Variants in ERCC6 observed in about 807,000 individuals in gnomAD.
ERCC6 encodes DNA excision repair protein ERCC-6.
Under a neutral mutation model 158.7 loss-of-function variants are expected in ERCC6, and 116 were observed. The ratio of observed to expected loss-of-function variants is 0.73; its 90% CI spans 0.63 to 0.85. The LOEUF is 0.85. Ranked by LOEUF, ERCC6 falls within the 40% of genes least tolerant of loss-of-function variation. ERCC6 has a pLI of 0.00. For missense variants in ERCC6, 1,698 were observed against 1,799.4 expected, an observed-to-expected ratio of 0.94 and a Z score of 1.02; for synonymous variants, 678 against 659.3, an observed-to-expected ratio of 1.03 and a Z score of -0.43.
chr10:49,447,311 ATTC>A, the ERCC6 span, among the ~76,000 whole-genome samples: 1 of 152,242 alleles, frequency 6.6e-6, no homozygotes, highest in African/African-American at 2.4e-5. Context: ...CCTTTAGTAC[ATTC>A]ACAATGTTGT....
rs373277796 is a variant in ERCC6, at chr10:49,478,428, T to G, written c.2212A>C (p.Ile738Leu). ...YKCACVLRDTINPYLLRRMKS... is the reference protein window; with the variant it reads ...YKCACVLRDTLNPYLLRRMKS... ...ATTCTCCGCAGTAGGTATGGATTTA[T>G]GGTATCTCGTAAGACACATGCACAC... Residue 738 changes from isoleucine to leucine, a missense_variant, in exon 11 of 21, where the codon ATA (isoleucine) becomes CTA (leucine). Ile to Leu is a conservative substitution (Grantham distance 5). Coordinates refer to ENST00000355832, the MANE Select transcript of ERCC6 (RefSeq NM_000124.4). The G allele has an allele frequency of 1.9e-5, 31 of 1,613,948 alleles. No individual in the cohort carries two copies. In the East Asian group the frequency reaches 2.9e-4, roughly 15 times the overall value.
At chr10:49,440,155 T>A in the ERCC6 span, among the ~76,000 whole-genome samples, 2 of 152,204 alleles carry the variant, frequency 1.3e-5, no homozygotes, top group African/African-American at 4.8e-5. Context: ...ACTGTATTAG[T>A]CCATTTTCAT....
intron 5 of ERCC6, among the ~76,000 whole-genome samples, chr10:49,506,741 G>C (rs917148967): frequency 6.6e-6 from 1 of 151,932 alleles, no homozygotes; most frequent in Admixed American, 6.6e-5. Context: ...TGTGGAGAAG[G>C]TGCACCCATT....
the ERCC6 span, among the ~76,000 whole-genome samples, chr10:49,441,648 T>C: frequency 6.6e-6 from 1 of 152,122 alleles, no homozygotes; most frequent in Non-Finnish European, 1.5e-5. Context: ...TGGGGTGCTG[T>C]ATTTCCTGTC....
At chr10:49,440,348 C>T in the ERCC6 span, among the ~76,000 whole-genome samples, 196 of 152,270 alleles carry the variant, frequency 1.3e-3, no homozygotes, top group East Asian at 3.7e-3. Context: ...CATCAGATCT[C>T]GTGAGACTTG....
chr10:49,441,046 G>A, the ERCC6 span, among the ~76,000 whole-genome samples: 1 of 152,230 alleles, frequency 6.6e-6, no homozygotes. Flanking sequence ...AGAGAAGTCA[G>A]TTGGAGAAAA....
rs560946555 is a variant in ERCC6, at chr10:49,512,689, A to G, written c.1398-6677T>C. ...GGAATATTTGCATATACACAATGAGATATGTTGGGATGGGACCCAAGACTA... is the reference window on the plus strand; with the variant it reads ...GGAATATTTGCATATACACAATGAGGTATGTTGGGATGGGACCCAAGACTA... On this transcript the variant is annotated intron_variant, in intron 5 of 20. Coordinates refer to ENST00000355832, the MANE Select transcript of ERCC6 (RefSeq NM_000124.4). Among the ~76,000 whole-genome samples the G allele has an allele frequency of 6.6e-4, 101 of 152,352 alleles. 1 individual carries two copies. The highest frequency in any genetic ancestry group is 2.2e-3 in the African/African-American group (93 of 41,586).
rs12770711 is a variant in ERCC6 at position 49,517,763 on chromosome 10, C to T, written c.1397+6270G>A. 2.4e-3 allele frequency among the ~76,000 whole-genome samples: 369 copies of T among 152,086 alleles called. 2 individuals are homozygous for T. Among genetic ancestry groups the T allele is most frequent in the Non-Finnish European group, 4.0e-3 (274 of 67,980 alleles). On this transcript the variant is annotated intron_variant, in intron 5 of 20. Transcript: ENST00000355832. ...TTCACCATGTTGCCCAGGCTGGTCT[C>T]GAACTCTTGAGCTCAAGCAATCCTC...
chr10:49,436,013 AAAG>A, the ERCC6 span, among the ~76,000 whole-genome samples: 60,087 of 112,040 alleles, frequency 0.54, 13,081 homozygotes, highest in East Asian at 0.65. Context: ...AAAAAGAAAG[AAAG>A]AAAAAAAAAA....
At chr10:49,481,764 T>G (rs1850983397) in intron 10 of ERCC6, among the ~76,000 whole-genome samples, 1 of 152,168 alleles carries the variant, frequency 6.6e-6, no homozygotes, top group South Asian at 2.1e-4. Flanking sequence ...CCCTACTCCA[T>G]CTCCTCGATC....
intron 8 of ERCC6, among the ~76,000 whole-genome samples, chr10:49,488,806 CAG>C (rs1234689900): frequency 3.3e-5 from 5 of 151,988 alleles, no homozygotes; most frequent in African/African-American, 1.2e-4. Context: ...CTTTTTGAGA[CAG>C]AGTCTCGCTC....
chr10:49,468,178 T>C (rs148905772), intron 18 of ERCC6, among the ~76,000 whole-genome samples: 61 of 152,388 alleles, frequency 4.0e-4, no homozygotes, highest in African/African-American at 1.4e-3. Flanking sequence ...TTGCACAATG[T>C]GCTGGTCAGT....
intron 4 of ERCC6, among the ~76,000 whole-genome samples, chr10:49,527,625 A>T (rs1837371706): frequency 6.6e-6 from 1 of 152,242 alleles, no homozygotes; most frequent in South Asian, 2.1e-4. Context: ...CAGTGAGCTG[A>T]GATGGTGCCA....
chr10:49,535,064 A>T (rs550149365), intron 1 of ERCC6, among the ~76,000 whole-genome samples: 1 of 152,302 alleles, frequency 6.6e-6, no homozygotes, highest in South Asian at 2.1e-4. Context: ...ATTTGAACAC[A>T]TGGGCCATGC....
chr10:49,532,469 G>C (rs1837491006), intron 2 of ERCC6, 74 bp downstream of exon 2: 8 of 1,598,196 alleles, frequency 5.0e-6, no homozygotes, highest in Admixed American at 3.4e-5. Flanking sequence ...TGGAATACTA[G>C]AGCTTTCCAT....
chr10:49,471,141 C>G lies in ERCC6; in HGVS notation c.2925-21G>C, dbSNP rs1396935123. On this transcript the variant is annotated intron_variant, in intron 16 of 20. Coordinates refer to ENST00000355832, the MANE Select transcript of ERCC6 (RefSeq NM_000124.4). ...TTTGTCTAAAAAAATAAAAGATAAG[C>G]TGGTATAAAACAATGTGTAGCTCTA... 1.9e-6 allele frequency: 3 copies of G among 1,612,620 alleles called. No individual in the cohort carries two copies. In the Admixed American group the frequency reaches 5.0e-5, roughly 27 times the overall value.
chr10:49,469,121 A>G (rs1158566106), intron 18 of ERCC6, among the ~76,000 whole-genome samples: 1 of 152,272 alleles, frequency 6.6e-6, no homozygotes, highest in East Asian at 1.9e-4. Context: ...TGAGGAAAGA[A>G]TCATCAATAG....
At position 49,515,490 on chromosome 10, in the gene ERCC6, C is replaced by T. The variant is rs769012348; in HGVS notation, c.1397+8543G>A. ...GCCATCATAACGTGAGTCAATGTTA[C>T]GCTTCTGAGGTCTTCCTTTTTGGCC... On this transcript the variant is annotated intron_variant, in intron 5 of 20. Transcript: ENST00000355832. 24 of 1,614,022 alleles carry T rather than the reference C, an allele frequency of 1.5e-5. No homozygotes were observed. Among genetic ancestry groups the T allele is most frequent in the South Asian group, 2.2e-5 (2 of 91,088 alleles).
In ERCC6 at chr10:49,525,708, G is replaced by C. The variant is rs572884395; in HGVS notation, c.653-931C>G. The stretch of plus-strand genomic sequence containing the variant: ...CATCTGAAAGTGCACAAATCATTAA[G>C]TGTAGAACTCAGTGAATATTCAGAA... On this transcript the variant is annotated intron_variant, in intron 4 of 20. Coordinates refer to ENST00000355832, the MANE Select transcript of ERCC6 (RefSeq NM_000124.4). 2.6e-5 allele frequency among the ~76,000 whole-genome samples: 4 copies of C among 152,262 alleles called. No homozygotes were observed. In the East Asian group the frequency reaches 7.7e-4, roughly 29 times the overall value.
Sources: allele counts gnomAD v4.1 joint callset (sites outside exome capture counted in the v4.1 genomes callset), GRCh38; gene constraint gnomAD v4.1.1; transcripts MANE v1.5; gene names NCBI Gene and HGNC (gene_info 2026-07-23, HGNC 2026-07-21).